The following KIFAP3 variants were observed in gnomAD, a reference collection of about 807,000 sequenced individuals.
The protein encoded by KIFAP3 is kinesin-associated protein 3.
Under a neutral mutation model 106.5 loss-of-function variants are expected in KIFAP3, and 68 were observed. The observed-to-expected ratio is 0.64, with a 90% CI of 0.53 to 0.78. KIFAP3 has a LOEUF of 0.78. KIFAP3 is among the 30% of genes least tolerant of loss of function. The pLI, the probability that KIFAP3 is intolerant of heterozygous loss-of-function variation, is 0.00. For missense variants in KIFAP3, 780 were observed against 941.8 expected (o/e 0.83, Z 2.25); for synonymous variants, 320 against 311.5 (o/e 1.03, Z -0.29).
Position 169,921,468 on chromosome 1 carries a change from G to T in KIFAP3, c.*208C>A. On this transcript the variant is annotated 3_prime_UTR_variant, in exon 20 of 20. Transcript: ENST00000361580. Reference sequence around the variant, plus strand: ...GAAATGTTACTTAGCATCAAGATGTGGTTTGATGAGTGAACAATGTCAGTA... The same window carrying T: ...GAAATGTTACTTAGCATCAAGATGTTGTTTGATGAGTGAACAATGTCAGTA... The T allele has an allele frequency of 2.4e-6, 1 of 421,600 alleles. No individual in the cohort carries two copies. Among genetic ancestry groups the T allele is most frequent in the Non-Finnish European group, 4.3e-6 (1 of 233,356 alleles). The allele number at this position is 421,600 out of a possible 1,614,324, so 26.1% of individuals were successfully genotyped here.
chr1:170,035,499 A>C lies in KIFAP3; in HGVS notation c.572T>G (p.Val191Gly). Residue 191 changes from valine to glycine, a missense_variant, in exon 6 of 20, where the codon GTC (valine) becomes GGC (glycine). Val to Gly is a moderately radical substitution (Grantham distance 109). This residue lies in a region of KIFAP3 where 588 missense variants were observed against 678.9 expected (regional missense o/e 0.87). Transcript: ENST00000361580. ...GTAAATTATGTTTGTAGCTAACTCG[A>C]CACTTTGCTTCCAGTCTTCTCTCAG... ...RVLREDWKQS[V>G]ELATNIIYIF... The C allele has an allele frequency of 6.2e-7, 1 of 1,610,322 alleles. No homozygotes were observed. The highest frequency in any genetic ancestry group is 1.7e-5 in the Admixed American group (1 of 59,600).
chr1:169,958,556 ATACTT>A (rs1665151671), intron 18 of KIFAP3, among the ~76,000 whole-genome samples: 1 of 152,200 alleles, frequency 6.6e-6, no homozygotes, highest in African/African-American at 2.4e-5. Context: ...TTATTTGACT[ATACTT>A]TACAAGACAC....
chr1:170,070,750 T>C (rs1213500556), intron 1 of KIFAP3, among the ~76,000 whole-genome samples: 3 of 152,186 alleles, frequency 2.0e-5, no homozygotes, highest in Non-Finnish European at 4.4e-5. Flanking sequence ...CTTCATGACC[T>C]TGGATTTAGC....
intron 1 of KIFAP3, among the ~76,000 whole-genome samples, chr1:170,083,950 T>G (rs12116521): frequency 0.077 from 11,773 of 152,310 alleles, 471 homozygotes; most frequent in Non-Finnish European, 0.094. Flanking sequence ...ATTTGTCAAC[T>G]GTATTTTGAA....
chr1:169,997,497 T>G (rs1321812728), intron 10 of KIFAP3, among the ~76,000 whole-genome samples: 1 of 152,156 alleles, frequency 6.6e-6, no homozygotes, highest in Non-Finnish European at 1.5e-5. Flanking sequence ...ATTTCTGAGA[T>G]AAGCTAGACA....
chr1:169,987,314 A>C (rs1188235161), intron 11 of KIFAP3, among the ~76,000 whole-genome samples: 1 of 152,064 alleles, frequency 6.6e-6, no homozygotes, highest in Non-Finnish European at 1.5e-5. Context: ...AATAGTGTTC[A>C]ATCAGACAAG....
intron 16 of KIFAP3, among the ~76,000 whole-genome samples, chr1:169,973,612 CCT>C (rs137872327): frequency 0.018 from 2,745 of 151,412 alleles, 70 homozygotes; most frequent in African/African-American, 0.062. Flanking sequence ...ATTAAATTTT[CCT>C]CTGACTTTAT....
intron 8 of KIFAP3, among the ~76,000 whole-genome samples, chr1:170,027,103 T>C (rs950570627): frequency 1.7e-4 from 23 of 136,948 alleles, no homozygotes; most frequent in African/African-American, 6.0e-4. Flanking sequence ...CACTGCAACC[T>C]CCACCTCCTG....
intron 19 of KIFAP3, among the ~76,000 whole-genome samples, chr1:169,926,682 T>TACAC (rs60885577): frequency 0.015 from 776 of 50,786 alleles, 9 homozygotes; most frequent in Non-Finnish European, 0.022. Flanking sequence ...GTTGTGTGTG[T>TACAC]ACACACACAC....
At chr1:169,984,403 G>A (rs183666390) in intron 12 of KIFAP3, among the ~76,000 whole-genome samples, 179 bp downstream of exon 12, 96 of 151,962 alleles carry the variant, frequency 6.3e-4, no homozygotes, top group Admixed American at 1.6e-3. Context: ...GAAGGTAAGT[G>A]TCTGCATTTA....
chr1:170,020,278 G>A (rs1010596614), intron 9 of KIFAP3, among the ~76,000 whole-genome samples: 2 of 152,012 alleles, frequency 1.3e-5, no homozygotes, highest in Non-Finnish European at 2.9e-5. Context: ...GAAAAATACA[G>A]AATAGAATAA....
chr1:170,022,933 G>A (rs1202816343), intron 9 of KIFAP3, among the ~76,000 whole-genome samples: 1 of 151,952 alleles, frequency 6.6e-6, no homozygotes, highest in Non-Finnish European at 1.5e-5. Flanking sequence ...ATAGATATAT[G>A]CTGATACAAA....
intron 10 of KIFAP3, among the ~76,000 whole-genome samples, chr1:170,011,026 A>G (rs921397012): frequency 3.3e-5 from 5 of 152,006 alleles, no homozygotes; most frequent in Admixed American, 3.3e-4. Flanking sequence ...AGAAAAAAGC[A>G]AACTGACCAT....
intron 19 of KIFAP3, among the ~76,000 whole-genome samples, chr1:169,938,152 T>C (rs1444304917): frequency 1.3e-5 from 2 of 151,930 alleles, no homozygotes; most frequent in African/African-American, 4.8e-5. Context: ...ATAAAATTTT[T>C]CTATGATAGA....
At chr1:170,079,377 C>A (rs1671978646), upstream of KIFAP3, among the ~76,000 whole-genome samples, 1 of 152,154 alleles carries the variant, frequency 6.6e-6, no homozygotes, top group Admixed American at 6.5e-5. Flanking sequence ...ACCAAATAAA[C>A]TTTCTTTATA....
intron 10 of KIFAP3, among the ~76,000 whole-genome samples, chr1:170,008,865 A>T (rs563949917): frequency 1.3e-5 from 2 of 152,312 alleles, no homozygotes; most frequent in Admixed American, 1.3e-4. Context: ...CATGGAACCA[A>T]CCCAAATGCC....
At chr1:170,071,370 T>C (rs1439470623) in intron 1 of KIFAP3, among the ~76,000 whole-genome samples, 1 of 152,156 alleles carries the variant, frequency 6.6e-6, no homozygotes, top group Admixed American at 6.5e-5. Flanking sequence ...ACAAACAAAA[T>C]GTGGTATATC....
intron 1 of KIFAP3, among the ~76,000 whole-genome samples, chr1:170,066,890 A>G (rs540134773): frequency 6.6e-6 from 1 of 152,202 alleles, no homozygotes; most frequent in Non-Finnish European, 1.5e-5. Flanking sequence ...ACTAACATAA[A>G]TAAAATATAA....
At chr1:169,998,423 C>T (rs191809579) in intron 10 of KIFAP3, among the ~76,000 whole-genome samples, 2,381 of 151,410 alleles carry the variant, frequency 0.016, 30 homozygotes, top group Non-Finnish European at 0.025. Flanking sequence ...CACACACACA[C>T]ACACACACAC....
Sources: gnomAD v4.1 joint callset for allele counts (sites outside exome capture counted in the v4.1 genomes callset) on GRCh38, gnomAD v4.1.1 for gene constraint, gnomAD v4.1.1 regional missense constraint, MANE v1.5 for transcripts, NCBI Gene and HGNC (gene_info 2026-07-23, HGNC 2026-07-21) for gene names.